Variants in MCCC1 observed in about 807,000 individuals in gnomAD.
MCCC1 encodes methylcrotonoyl-CoA carboxylase subunit alpha, mitochondrial.
A neutral mutation model predicts 83.8 loss-of-function variants in MCCC1; 64 were observed. The observed-to-expected ratio is 0.76, with a 90% confidence interval of 0.62 to 0.94. The LOEUF (loss-of-function observed/expected upper bound fraction) is 0.94, where lower values mean the gene tolerates loss of function less well. Among genes scored for constraint, MCCC1 ranks in the 40% least tolerant of loss-of-function variants. The pLI, the probability that MCCC1 is intolerant of heterozygous loss-of-function variation, is 0.00. For missense variants in MCCC1, 807 were observed against 904.7 expected, an observed-to-expected ratio of 0.89 and a Z score of 1.39; for synonymous variants, 322 against 315.4, an observed-to-expected ratio of 1.02 and a Z score of -0.22.
At chr3:183,055,440 T>A (rs1310835943) in intron 8 of MCCC1, among the ~76,000 whole-genome samples, 1 of 152,040 alleles carries the variant, frequency 6.6e-6, no homozygotes, top group African/African-American at 2.4e-5. Context: ...TAATATTATA[T>A]ACTTCATCAA....
intron 3 of MCCC1, 86 bp from the exon 4 acceptor site, chr3:183,086,874 T>G: frequency 8.1e-7 from 1 of 1,229,616 alleles, no homozygotes; most frequent in Non-Finnish European, 1.2e-6. Flanking sequence ...GGTCATTTTA[T>G]TATTGTAAAT....
upstream of MCCC1, among the ~76,000 whole-genome samples, chr3:183,100,421 TTTCACC>T (rs1396998923): frequency 6.6e-6 from 1 of 152,122 alleles, no homozygotes; most frequent in Non-Finnish European, 1.5e-5. Flanking sequence ...CATGGCCCAC[TTTCACC>T]TTCACCTTCA....
intron 14 of MCCC1, among the ~76,000 whole-genome samples, chr3:183,029,805 G>T (rs923879069): frequency 6.6e-6 from 1 of 151,878 alleles, no homozygotes; most frequent in Non-Finnish European, 1.5e-5. Context: ...GCTCTACCCT[G>T]CCTCAGGCCC....
chr3:183,103,809 C>T (rs79572764), upstream of MCCC1, among the ~76,000 whole-genome samples: 1 of 152,164 alleles, frequency 6.6e-6, no homozygotes. Flanking sequence ...CGGCGCTCAT[C>T]GGGAAGGCTC....
chr3:183,063,363 AG>A (rs1432424066), intron 7 of MCCC1, among the ~76,000 whole-genome samples: 3 of 152,220 alleles, frequency 2.0e-5, no homozygotes, highest in Non-Finnish European at 2.9e-5. Flanking sequence ...CTTCCAAAAT[AG>A]TATACTTTAA....
chr3:183,036,558 T>TC (rs1321238553), intron 13 of MCCC1, among the ~76,000 whole-genome samples: 1 of 148,232 alleles, frequency 6.7e-6, no homozygotes, highest in East Asian at 2.0e-4. Flanking sequence ...TTTTTTTTTT[T>TC]AGATGAACTC....
intron 15 of MCCC1, among the ~76,000 whole-genome samples, chr3:183,024,225 G>C (rs1712396369): frequency 6.6e-6 from 1 of 151,982 alleles, no homozygotes; most frequent in Non-Finnish European, 1.5e-5. Flanking sequence ...ACTCCAGCCT[G>C]GGTGACAAGA....
intron 4 of MCCC1, among the ~76,000 whole-genome samples, chr3:183,077,998 C>T (rs1560264677): frequency 6.6e-6 from 1 of 152,148 alleles, no homozygotes; most frequent in Admixed American, 6.6e-5. Context: ...TATACCAATA[C>T]CACGCTGTTT....
chr3:183,086,648 C>T (rs774922071), intron 4 of MCCC1, 45 bp downstream of exon 4: 1 of 1,568,614 alleles, frequency 6.4e-7, no homozygotes, highest in East Asian at 2.2e-5. Context: ...ATCAGTTGCA[C>T]AAAACGTATT....
At chr3:183,103,796 G>T (rs1261730059), upstream of MCCC1, among the ~76,000 whole-genome samples, 3 of 152,220 alleles carry the variant, frequency 2.0e-5, no homozygotes, top group African/African-American at 7.2e-5. Context: ...GTGGAGCAGG[G>T]GGCGGCGCTC....
rs748722209 is a variant in MCCC1, at chr3:183,037,336, G to T, written c.1476C>A (p.His492Gln). The change falls in exon 13 of 19, where the codon CAC becomes CAA. Residue 492 changes from histidine (H) to glutamine (Q), a missense_variant. Coordinates refer to ENST00000265594, the MANE Select transcript of MCCC1 (RefSeq NM_020166.5). ...GNVHTDFIPQHHKQLLLSRKA... is the reference protein window; with the variant it reads ...GNVHTDFIPQQHKQLLLSRKA... ...TCCGACTGAGCAACAACTGTTTGTGGTGTTGAGGGATGAAATCAGTGTGCA... is the reference window on the plus strand; with the variant it reads ...TCCGACTGAGCAACAACTGTTTGTGTTGTTGAGGGATGAAATCAGTGTGCA... 3.1e-6 allele frequency: 5 copies of T among 1,614,022 alleles called. No homozygotes were observed. The African/African-American group carries it at 5.3e-5, about 17-fold the overall frequency.
At chr3:183,075,786 C>T (rs1033597525) in intron 4 of MCCC1, among the ~76,000 whole-genome samples, 37 of 151,790 alleles carry the variant, frequency 2.4e-4, no homozygotes, top group Admixed American at 7.2e-4. Flanking sequence ...GTGATCTGCC[C>T]GCCTCGGCCT....
At chr3:183,100,885 G>A (rs1180587252), upstream of MCCC1, among the ~76,000 whole-genome samples, 2 of 152,352 alleles carry the variant, frequency 1.3e-5, no homozygotes, top group East Asian at 3.9e-4. Flanking sequence ...CAGCTTGCAG[G>A]GAGGTGTGGA....
intron 4 of MCCC1, among the ~76,000 whole-genome samples, chr3:183,073,665 G>C (rs1254623522): frequency 6.6e-6 from 1 of 152,210 alleles, no homozygotes. Flanking sequence ...AGGTGCAACA[G>C]GAAAATGACA....
intron 17 of MCCC1, among the ~76,000 whole-genome samples, chr3:183,019,700 C>T (rs1368669989): frequency 6.6e-6 from 1 of 152,194 alleles, no homozygotes; most frequent in Non-Finnish European, 1.5e-5. Context: ...CATTCAACAC[C>T]AAACCGTACT....
chr3:183,105,710 A>G (rs13059546), intron 1 of MCCC1, among the ~76,000 whole-genome samples: 74,090 of 152,022 alleles, frequency 0.49, 21,477 homozygotes, highest in Non-Finnish European at 0.65. Context: ...GAAAGAAAAA[A>G]AAAAACTCTT....
intron 12 of MCCC1, among the ~76,000 whole-genome samples, 192 bp downstream of exon 12, chr3:183,038,834 T>C (rs991802865): frequency 6.6e-6 from 1 of 152,228 alleles, no homozygotes; most frequent in Non-Finnish European, 1.5e-5. Context: ...CTTTCTTTTG[T>C]AACTGAAATG....
At chr3:183,101,497 C>T (rs373477628), upstream of MCCC1, among the ~76,000 whole-genome samples, 1 of 152,260 alleles carries the variant, frequency 6.6e-6, no homozygotes, top group African/African-American at 2.4e-5. Flanking sequence ...TCTGGTGGGG[C>T]CTTGGAGAAC....
chr3:183,070,103 GA>G (rs1716545319), intron 7 of MCCC1, among the ~76,000 whole-genome samples: 1 of 152,198 alleles, frequency 6.6e-6, no homozygotes, highest in Admixed American at 6.5e-5. Context: ...AGGACAGCAA[GA>G]TTATTTAGCA....
Sources: gnomAD v4.1 joint callset for allele counts (sites outside exome capture counted in the v4.1 genomes callset) on GRCh38, gnomAD v4.1.1 for gene constraint, MANE v1.5 for transcripts, NCBI Gene and HGNC (gene_info 2026-07-23, HGNC 2026-07-21) for gene names.